CLEC2A: variants seen among roughly 807,000 people sequenced by gnomAD.
CLEC2A encodes the protein C-type lectin domain family 2 member A.
In CLEC2A, 19 loss-of-function variants were observed where a neutral mutation model predicts 18.6. That is an observed-to-expected ratio of 1.02 (90% confidence interval 0.71 to 1.50). CLEC2A has a LOEUF of 1.50. CLEC2A is among the 40% of genes most tolerant of loss of function. The pLI, the probability that CLEC2A is intolerant of heterozygous loss-of-function variation, is 0.00. For missense variants in CLEC2A, 190 were observed against 207.9 expected, an observed-to-expected ratio of 0.91 and a Z score of 0.53; for synonymous variants, 74 against 64.0, an observed-to-expected ratio of 1.16 and a Z score of -0.75.
the CLEC2A span, chr12:9,884,831 T>A: frequency 2.5e-6 from 1 of 404,022 alleles, no homozygotes; most frequent in Non-Finnish European, 4.4e-6. Flanking sequence ...TAAATTCTAA[T>A]GACATATCTA....
intron 4 of CLEC2A, among the ~76,000 whole-genome samples, chr12:9,901,435 C>G (rs1363558077): frequency 6.6e-6 from 1 of 152,134 alleles, no homozygotes; most frequent in East Asian, 1.9e-4. Flanking sequence ...CCTAACATAA[C>G]AACTTTAATT....
chr12:9,906,907 A>C (rs1392269448), intron 4 of CLEC2A, among the ~76,000 whole-genome samples: 1 of 152,190 alleles, frequency 6.6e-6, no homozygotes, highest in Non-Finnish European at 1.5e-5. Context: ...GTGAGTTATC[A>C]GTGGTTAGTG....
chr12:9,877,796 G>A, the CLEC2A span, among the ~76,000 whole-genome samples: 1 of 152,066 alleles, frequency 6.6e-6, no homozygotes, highest in Non-Finnish European at 1.5e-5. Flanking sequence ...TTAGAACTGT[G>A]GCTGTAGCAT....
At chr12:9,910,475 C>T (rs139330498), downstream of CLEC2A, among the ~76,000 whole-genome samples, 225 of 152,188 alleles carry the variant, frequency 1.5e-3, no homozygotes, top group African/African-American at 5.3e-3. Context: ...CTTCTAGAAG[C>T]TGTGTGTGAG....
the CLEC2A span, chr12:9,881,792 G>A: frequency 2.2e-5 from 16 of 725,276 alleles, 1 homozygote; most frequent in South Asian, 2.6e-4. Flanking sequence ...GTCATAAATT[G>A]TCTGTTAGAT....
the CLEC2A span, chr12:9,881,760 C>T: frequency 2.3e-6 from 2 of 871,736 alleles, no homozygotes; most frequent in Admixed American, 2.3e-5. Flanking sequence ...TAACATTGAT[C>T]ATAATAAGGA....
intron 4 of CLEC2A, among the ~76,000 whole-genome samples, chr12:9,901,025 A>G (rs887821309): frequency 1.3e-5 from 2 of 152,234 alleles, no homozygotes; most frequent in Admixed American, 6.5e-5. Flanking sequence ...ACAGGAGTAT[A>G]CACCTTATTT....
chr12:9,905,313 C>T (rs956309976), intron 4 of CLEC2A, among the ~76,000 whole-genome samples: 1 of 152,106 alleles, frequency 6.6e-6, no homozygotes, highest in Non-Finnish European at 1.5e-5. Context: ...TTCAAGTTTT[C>T]CTTCTTTCCA....
At chr12:9,888,576 T>A in the CLEC2A span, among the ~76,000 whole-genome samples, 4 of 152,274 alleles carry the variant, frequency 2.6e-5, no homozygotes, top group Middle Eastern at 3.4e-3. Context: ...GAAACGTAGT[T>A]AAATCTGGGG....
At chr12:9,912,302 C>T (rs547064222), downstream of CLEC2A, among the ~76,000 whole-genome samples, 1 of 151,996 alleles carries the variant, frequency 6.6e-6, no homozygotes, top group African/African-American at 2.4e-5. Context: ...CTCTGCAGGA[C>T]CCTTAGGCCG....
downstream of CLEC2A, among the ~76,000 whole-genome samples, chr12:9,912,665 C>A (rs1005694241): frequency 4.3e-4 from 62 of 142,834 alleles, no homozygotes; most frequent in East Asian, 1.0e-3. Context: ...GGGTGAAAAG[C>A]AAAAAAAAAA....
At position 9,926,363 on chromosome 12, in the gene CLEC2A, A is replaced by C; in HGVS notation, c.56-20T>G. On this transcript the variant is annotated intron_variant, in intron 1 of 4. Coordinates refer to ENST00000455827, the MANE Select transcript of CLEC2A (RefSeq NM_001130711.2). ...TGGGAACTGCAAATTAAATCAACAC[A>C]TATTTTACAATTTCTGAATAAACAC... The C allele has an allele frequency of 6.9e-7, 1 of 1,443,322 alleles. No homozygotes were observed. The highest frequency in any genetic ancestry group is 9.5e-7 in the Non-Finnish European group (1 of 1,048,724). The allele number at this position is 1,443,322 out of a possible 1,614,324, so 89.4% of individuals were successfully genotyped here. A position where few individuals can be genotyped will look rare whatever the true frequency, so the allele number is the denominator to read the frequency against.
At chr12:9,902,234 T>C (rs1050228242) in intron 4 of CLEC2A, among the ~76,000 whole-genome samples, 2 of 67,982 alleles carry the variant, frequency 2.9e-5, no homozygotes. Context: ...AGGTTTGCCA[T>C]TTTTTTTTTT....
intron 2 of CLEC2A, 94 bp from the exon 3 acceptor site, chr12:9,922,326 G>C: frequency 9.6e-7 from 1 of 1,046,372 alleles, no homozygotes; most frequent in Non-Finnish European, 1.3e-6. Flanking sequence ...TGCTTCCACA[G>C]TTTGAGGCCC....
downstream of CLEC2A, among the ~76,000 whole-genome samples, chr12:9,908,527 T>C (rs1368965512): frequency 2.0e-5 from 3 of 152,092 alleles, no homozygotes; most frequent in Non-Finnish European, 4.4e-5. Flanking sequence ...TGCTCCTGAA[T>C]CTACTAAAAA....
chr12:9,885,034 T>C, the CLEC2A span: 1 of 1,182,610 alleles, frequency 8.5e-7, no homozygotes, highest in Non-Finnish European at 1.1e-6. Context: ...AGTTCTGGCG[T>C]GAGTAGTAAA....
At chr12:9,905,781 T>C (rs573028376) in intron 4 of CLEC2A, among the ~76,000 whole-genome samples, 1 of 152,298 alleles carries the variant, frequency 6.6e-6, no homozygotes, top group East Asian at 1.9e-4. Flanking sequence ...GACTCAACAT[T>C]TTCTATTAAT....
the CLEC2A span, among the ~76,000 whole-genome samples, chr12:9,880,565 T>C: frequency 6.6e-6 from 1 of 151,690 alleles, no homozygotes; most frequent in African/African-American, 2.4e-5. Context: ...GTGAAATATA[T>C]ATAAAATAAG....
chr12:9,912,024 T>C (rs745635150), downstream of CLEC2A, among the ~76,000 whole-genome samples: 2 of 152,106 alleles, frequency 1.3e-5, no homozygotes, highest in Admixed American at 6.5e-5. Flanking sequence ...CAACAAAAAC[T>C]TTAGAGAGTA....
Sources: gnomAD v4.1 joint callset for allele counts (sites outside exome capture counted in the v4.1 genomes callset) on GRCh38, gnomAD v4.1.1 for gene constraint, MANE v1.5 for transcripts, NCBI Gene and HGNC (gene_info 2026-07-23, HGNC 2026-07-21) for gene names.